FRMPD4: variants seen among roughly 807,000 people sequenced by gnomAD.
FRMPD4 encodes the protein FERM and PDZ domain-containing protein 4.
A neutral mutation model predicts 94.1 loss-of-function variants in FRMPD4; 22 were observed. The observed-to-expected ratio is 0.23, with a 90% confidence interval of 0.17 to 0.33. FRMPD4 has a LOEUF of 0.33. Ranked by LOEUF, FRMPD4 falls within the 10% of genes least tolerant of loss-of-function variation. The pLI, the probability that FRMPD4 is intolerant of heterozygous loss-of-function variation, is 1.00. For synonymous variants in FRMPD4, 631 were observed against 548.6 expected (o/e 1.15, Z -2.10); for missense variants, 1,111 against 1,339.9 (o/e 0.83, Z 2.67).
At chrX:12,605,055 G>A (rs757510131) in intron 2 of FRMPD4, among the ~76,000 whole-genome samples, 20 of 112,446 alleles carry the variant, frequency 1.8e-4, no homozygotes, top group Non-Finnish European at 3.4e-4. Flanking sequence ...AATATAGAGT[G>A]ATGGAGTAAT....
chrX:11,873,717 TA>T (rs200390595), intron 2 of FRMPD4, among the ~76,000 whole-genome samples: 4 of 107,089 alleles, frequency 3.7e-5, no homozygotes, highest in African/African-American at 1.0e-4. Context: ...TTTTTTTTTT[TA>T]AAAAAAAGAA....
Position 12,674,304 on chromosome X carries a change from A to G in FRMPD4, c.423-559A>G, listed in dbSNP as rs147674229. On this transcript the variant is annotated intron_variant, in intron 4 of 16. Coordinates refer to ENST00000675598, the MANE Select transcript of FRMPD4 (RefSeq NM_001368397.1). The stretch of plus-strand genomic sequence containing the variant: ...TGTGACCAGGGACTTACTAAGCCAC[A>G]CAGTATGGGAACCGATGTTTGCTGG... 2.5e-4 allele frequency among the ~76,000 whole-genome samples: 28 copies of G among 111,870 alleles called. No individual in the cohort carries two copies. The East Asian group carries it at 7.8e-3, about 31-fold the overall frequency.
rs1216440615 is a variant in FRMPD4 at position 12,723,576 on chromosome X, T to C, written c.*1718T>C. On this transcript the variant is annotated 3_prime_UTR_variant, in exon 17 of 17. Coordinates refer to ENST00000675598, the MANE Select transcript of FRMPD4 (RefSeq NM_001368397.1). The stretch of plus-strand genomic sequence containing the variant: ...AATTATAAATATTGGTGTTTTGATA[T>C]TGAGAGATATTAGTGGTGTTTACTG... The C allele has an allele frequency of 8.9e-6, 1 of 112,209 alleles. No homozygotes were observed. Among genetic ancestry groups the C allele is most frequent in the Non-Finnish European group, 1.9e-5 (1 of 53,274 alleles). The allele number at this position is 112,209 out of a possible 1,213,427, so 9.2% of individuals were successfully genotyped here.
intron 4 of FRMPD4, among the ~76,000 whole-genome samples, chrX:12,660,208 C>A (rs778349925): frequency 3.6e-5 from 4 of 112,216 alleles, no homozygotes; most frequent in African/African-American, 1.3e-4. Context: ...TATATGTAAG[C>A]GAGTTAATTC....
intron 1 of FRMPD4, among the ~76,000 whole-genome samples, chrX:11,822,828 C>T (rs2053420363): frequency 8.9e-6 from 1 of 112,208 alleles, no homozygotes; most frequent in Admixed American, 9.4e-5. Flanking sequence ...TTTAGGAAAT[C>T]TAAAATCTAA....
intron 3 of FRMPD4, among the ~76,000 whole-genome samples, chrX:11,997,857 C>G (rs2054504735): frequency 9.0e-6 from 1 of 111,236 alleles, no homozygotes; most frequent in African/African-American, 3.3e-5. Context: ...GGGCAATAAT[C>G]CAAACTTTCA....
At chrX:12,339,802 A>T in intron 1 of FRMPD4, among the ~76,000 whole-genome samples, 1 of 111,156 alleles carries the variant, frequency 9.0e-6, no homozygotes. Flanking sequence ...TTTTTAGTAG[A>T]GACAGGGTTT....
chrX:12,169,039 T>G (rs1013049005), intron 1 of FRMPD4, among the ~76,000 whole-genome samples: 4 of 112,415 alleles, frequency 3.6e-5, no homozygotes, highest in Middle Eastern at 4.6e-3. Context: ...GAGGCTTGTA[T>G]TTTGACTCAT....
chrX:12,384,191 G>A (rs2056365729), intron 1 of FRMPD4, among the ~76,000 whole-genome samples: 1 of 111,511 alleles, frequency 9.0e-6, no homozygotes, highest in African/African-American at 3.3e-5. Context: ...ATTTGACCTC[G>A]AACTAATATG....
rs1010681380 is a variant in FRMPD4 at position 12,174,663 on chromosome X, G to T, written c.41+35651G>T. Among the ~76,000 whole-genome samples, 3 of 111,390 alleles carry T rather than the reference G, an allele frequency of 2.7e-5. No individual in the cohort carries two copies. The Admixed American group carries it at 2.9e-4, about 11-fold the overall frequency. On this transcript the variant is annotated intron_variant, in intron 1 of 16. Coordinates refer to ENST00000675598, the MANE Select transcript of FRMPD4 (RefSeq NM_001368397.1). ...GGTTCTCAAACTTTGATGTATATCA[G>T]AATCAACTGGAGAGCCAATAACAAA...
intron 1 of FRMPD4, among the ~76,000 whole-genome samples, chrX:12,245,235 G>A (rs1357447634): frequency 9.0e-6 from 1 of 111,571 alleles, no homozygotes; most frequent in Non-Finnish European, 1.9e-5. Context: ...TGGTTGAATC[G>A]CCCTTAATCT....
chrX:12,580,597 C>T (rs2058854612), intron 2 of FRMPD4, among the ~76,000 whole-genome samples: 1 of 111,809 alleles, frequency 8.9e-6, no homozygotes, highest in African/African-American at 3.3e-5. Context: ...ATGACTCACC[C>T]CTTCTCGTGA....
At chrX:12,611,434 G>T (rs2059182295) in intron 3 of FRMPD4, among the ~76,000 whole-genome samples, 3 of 108,350 alleles carry the variant, frequency 2.8e-5, no homozygotes, top group African/African-American at 1.0e-4. Context: ...CTGCATTTCA[G>T]TTTGATGTAA....
rs1181615800 is a variant in FRMPD4 at position 12,541,797 on chromosome X, T to C, written c.158+43001T>C. 3.6e-5 allele frequency among the ~76,000 whole-genome samples: 4 copies of C among 111,706 alleles called. No individual in the cohort carries two copies. The East Asian group carries it at 8.4e-4, about 24-fold the overall frequency. ...GCAGAGACACAACAAAAAAAGAGAA[T>C]TTTAGACCAATATCCCTGATGAACA... On this transcript the variant is annotated intron_variant, in intron 2 of 16. Transcript: ENST00000675598.
At chrX:12,037,615 T>C (rs764656008) in intron 3 of FRMPD4, among the ~76,000 whole-genome samples, 42 of 111,356 alleles carry the variant, frequency 3.8e-4, no homozygotes, top group African/African-American at 1.4e-3. Flanking sequence ...GGGGTACATG[T>C]GCACATTTGT....
rs541224236 is a variant in FRMPD4, at chrX:12,548,712, T to C, written c.158+49916T>C. ...ACCGATAGAGAACTGGGCAGCTCAT[T>C]GGCAGCATGGCAGTCAATAACCGAA... On this transcript the variant is annotated intron_variant, in intron 2 of 16. Coordinates refer to ENST00000675598, the MANE Select transcript of FRMPD4 (RefSeq NM_001368397.1). Among the ~76,000 whole-genome samples, 63 of 112,026 alleles carry C rather than the reference T, an allele frequency of 5.6e-4. No individual in the cohort carries two copies. The South Asian group carries it at 5.6e-3, about 10-fold the overall frequency.
chrX:12,369,583 T>TAAC (rs1391825851), intron 1 of FRMPD4, among the ~76,000 whole-genome samples: 1 of 112,611 alleles, frequency 8.9e-6, no homozygotes, highest in Non-Finnish European at 1.9e-5. Flanking sequence ...AGGTGGCCAA[T>TAAC]AACCATGCCT....
intron 1 of FRMPD4, among the ~76,000 whole-genome samples, chrX:12,419,117 T>C (rs1425739976): frequency 8.9e-6 from 1 of 111,977 alleles, no homozygotes; most frequent in Non-Finnish European, 1.9e-5. Context: ...ATCATGATAC[T>C]ATCTTGCAGG....
chrX:12,020,217 G>T (rs1180627347), intron 3 of FRMPD4, among the ~76,000 whole-genome samples: 1 of 112,046 alleles, frequency 8.9e-6, no homozygotes, highest in Non-Finnish European at 1.9e-5. Context: ...TTTTATATTT[G>T]TATCCCCCAT....
Sources: allele counts gnomAD v4.1 joint callset (sites outside exome capture counted in the v4.1 genomes callset), GRCh38; gene constraint gnomAD v4.1.1; transcripts MANE v1.5; gene names NCBI Gene and HGNC (gene_info 2026-07-23, HGNC 2026-07-21).